CAPN14: variants seen among roughly 807,000 people sequenced by gnomAD.
CAPN14 encodes calpain 14.
A neutral mutation model predicts 101.3 loss-of-function variants in CAPN14; 94 were observed. The ratio of observed to expected loss-of-function variants is 0.93; its 90% CI spans 0.79 to 1.10. The LOEUF (loss-of-function observed/expected upper bound fraction) is 1.10. Among genes scored for constraint, CAPN14 ranks in the 50% least tolerant of loss-of-function variants. The pLI is 0.00. For missense variants in CAPN14, 837 were observed against 828.4 expected (o/e 1.01, Z -0.13); for synonymous variants, 338 against 317.9 (o/e 1.06, Z -0.67).
Position 31,193,226 on chromosome 2 carries a change from AAC to A in CAPN14, c.1017_1018del (p.Leu340GlufsTer86), listed in dbSNP as rs1248468502. 2.6e-6 allele frequency: 4 copies of A among 1,551,624 alleles called. No individual in the cohort carries two copies. The African/African-American group carries it at 5.5e-5, about 21-fold the overall frequency. On this transcript the variant is annotated frameshift_variant, in exon 10 of 22. Coordinates refer to ENST00000403897, the MANE Select transcript of CAPN14 (RefSeq NM_001145122.2). LOFTEE classifies it high-confidence loss of function. ...CCACTTCTGGGCCGCCTCCTGGCTC[AAC>A]AGGCCTGGGGTCAGTTTACAGATAA... is the stretch of plus-strand genomic sequence containing the variant.
intron 8 of CAPN14, 30 bp from the exon 9 acceptor site, chr2:31,194,513 G>C (rs1320045384): frequency 6.8e-6 from 10 of 1,469,828 alleles, no homozygotes; most frequent in Non-Finnish European, 9.3e-6. Flanking sequence ...TGAAAAGCTT[G>C]TGGGGAGCAT....
At chr2:31,212,509 G>A (rs983050788) in intron 1 of CAPN14, among the ~76,000 whole-genome samples, 1 of 152,082 alleles carries the variant, frequency 6.6e-6, no homozygotes, top group African/African-American at 2.4e-5. Context: ...CCAAATCCTG[G>A]CTTTCTTTGG....
upstream of CAPN14, among the ~76,000 whole-genome samples, chr2:31,219,253 G>C (rs776508990): frequency 2.6e-5 from 4 of 152,014 alleles, no homozygotes; most frequent in Non-Finnish European, 4.4e-5. Context: ...GACAACTCTT[G>C]AAAGTTATTG....
chr2:31,232,186 A>C (rs945196006), intron 1 of CAPN14, among the ~76,000 whole-genome samples: 2 of 152,212 alleles, frequency 1.3e-5, no homozygotes, highest in Non-Finnish European at 2.9e-5. Flanking sequence ...TCTGTCTGCT[A>C]AATCAGCTCT....
intron 8 of CAPN14, among the ~76,000 whole-genome samples, chr2:31,195,822 T>C (rs1236454922): frequency 6.6e-6 from 1 of 152,160 alleles, no homozygotes; most frequent in Non-Finnish European, 1.5e-5. Flanking sequence ...AAGTCCAATA[T>C]TCTTTAAAGA....
Position 31,200,510 on chromosome 2 carries a change from C to A in CAPN14, c.667G>T (p.Asp223Tyr). The A allele has an allele frequency of 1.3e-6, 2 of 1,551,424 alleles. No individual in the cohort carries two copies. Reference protein sequence around the residue: ...NLAEAHGNLWDILIEATYNRT... With the variant: ...NLAEAHGNLWYILIEATYNRT... ...TTGTAGGTGGCTTCGATGAGGATGT[C>A]CCAGAGGTTGCCATGGGCTTCTGCC... The change falls in exon 6 of 22, where the codon GAC becomes TAC. Residue 223 changes from aspartate to tyrosine, a missense_variant. Transcript: ENST00000403897.
chr2:31,180,498 G>C (rs1680537405), intron 17 of CAPN14, among the ~76,000 whole-genome samples: 1 of 152,148 alleles, frequency 6.6e-6, no homozygotes. Flanking sequence ...CTGAGCACTG[G>C]TTTCCTGATC....
At chr2:31,204,254 T>C (rs570461472) in intron 2 of CAPN14, among the ~76,000 whole-genome samples, 4 of 152,346 alleles carry the variant, frequency 2.6e-5, no homozygotes, top group South Asian at 2.1e-4. Context: ...TGTGGGAACA[T>C]ACCCATCCCT....
At chr2:31,180,846 T>G (rs1157655145) in intron 17 of CAPN14, 90 bp downstream of exon 17, 5 of 1,096,900 alleles carry the variant, frequency 4.6e-6, no homozygotes, top group Non-Finnish European at 6.7e-6. Flanking sequence ...TTAGCAAGGA[T>G]TGGGGTTGGG....
chr2:31,173,711 T>C lies in CAPN14; in HGVS notation c.*970A>G, dbSNP rs1265977685. On this transcript the variant is annotated 3_prime_UTR_variant, in exon 22 of 22. Transcript: ENST00000403897. ...ATTTGGGATGCTCAACCTGTAGTAA[T>C]AAATGGCTCTGAGGTGCTAACTTAT... 1 of 152,166 alleles carries C rather than the reference T, an allele frequency of 6.6e-6. No homozygotes were observed. The highest frequency in any genetic ancestry group is 1.5e-5 in the Non-Finnish European group (1 of 68,032). 9.4% of individuals were successfully genotyped at this position (152,166 alleles called of 1,614,324 possible). A position where few individuals can be genotyped will look rare whatever the true frequency, so the allele number is the denominator to read the frequency against.
chr2:31,191,252 G>T (rs931085979), intron 12 of CAPN14, 147 bp downstream of exon 12: 2 of 771,620 alleles, frequency 2.6e-6, no homozygotes, highest in African/African-American at 3.6e-5. Flanking sequence ...TATACACACA[G>T]GCAGCGGGCA....
chr2:31,220,140 A>G (rs910794026), upstream of CAPN14, among the ~76,000 whole-genome samples: 8 of 152,116 alleles, frequency 5.3e-5, no homozygotes, highest in Non-Finnish European at 1.0e-4. Context: ...AAAATAGAGA[A>G]CTCCTTTTCC....
intron 1 of CAPN14, among the ~76,000 whole-genome samples, chr2:31,206,032 TTATTTA>T (rs1682065881): frequency 2.5e-5 from 3 of 118,806 alleles, no homozygotes; most frequent in South Asian, 3.2e-4. Flanking sequence ...TTTTTTTTAT[TTATTTA>T]TTTTTTTTTT....
chr2:31,198,383 C>A (rs903224527), intron 7 of CAPN14, among the ~76,000 whole-genome samples: 1 of 152,156 alleles, frequency 6.6e-6, no homozygotes, highest in Admixed American at 6.5e-5. Flanking sequence ...CACATGTAGT[C>A]AGGACCTCCT....
Position 31,203,255 on chromosome 2 carries a change from T to C in CAPN14, c.226-116A>G, listed in dbSNP as rs962216441. The C allele has an allele frequency of 4.0e-5, 30 of 749,388 alleles. 1 individual carries two copies. Among genetic ancestry groups the C allele is most frequent in the Non-Finnish European group, 6.9e-5 (30 of 437,310 alleles). The allele number at this position is 749,388 out of a possible 1,614,324, so 46.4% of individuals were successfully genotyped here. On this transcript the variant is annotated intron_variant, in intron 2 of 21. Coordinates refer to ENST00000403897, the MANE Select transcript of CAPN14 (RefSeq NM_001145122.2). The stretch of plus-strand genomic sequence containing the variant: ...TACTTATGGGGACAAAGATACAGAA[T>C]ATAGGTGTAATCAGTGCTATCCCAG...
rs1425610179 is a variant in CAPN14, at chr2:31,178,543, T to G, written c.1747A>C (p.Arg583=). The G allele has an allele frequency of 6.5e-6, 10 of 1,549,332 alleles. No individual in the cohort carries two copies. In the East Asian group the frequency reaches 2.4e-4, roughly 38 times the overall value. The part of the protein sequence containing the change: ...ASGTMSIQEF[R]DLWKQLKLSQ... ...AGCTTCAGCTGCTTCCACAGGTCCC[T>G]GAATTCCTGGATGCTCATAGTACCT... Residue 583 remains arginine (R), a synonymous_variant, in exon 18 of 22, where the codon AGG becomes CGG. Transcript: ENST00000403897.
intron 8 of CAPN14, among the ~76,000 whole-genome samples, chr2:31,196,526 A>G (rs1369061791): frequency 1.3e-5 from 2 of 152,220 alleles, no homozygotes; most frequent in African/African-American, 4.8e-5. Context: ...TTATCAATAT[A>G]AAAATGATTA....
Position 31,174,655 on chromosome 2 carries a change from G to A in CAPN14, c.*26C>T. ...TCTTGGGCCACATGCAGAGTCTTCA[G>A]TGAGGGCAGGTGAGACTCAGCCTTC... On this transcript the variant is annotated 3_prime_UTR_variant, in exon 22 of 22. Coordinates refer to ENST00000403897, the MANE Select transcript of CAPN14 (RefSeq NM_001145122.2). The A allele has an allele frequency of 6.4e-7, 1 of 1,551,326 alleles. No homozygotes were observed. Among genetic ancestry groups the A allele is most frequent in the Non-Finnish European group, 8.7e-7 (1 of 1,146,796 alleles).
chr2:31,226,116 T>G (rs1463040032), intron 2 of CAPN14, among the ~76,000 whole-genome samples: 3 of 152,196 alleles, frequency 2.0e-5, no homozygotes, highest in African/African-American at 7.2e-5. Context: ...AATTTATCTT[T>G]AAGATTTGAC....
Sources: gnomAD v4.1 joint callset for allele counts (sites outside exome capture counted in the v4.1 genomes callset) on GRCh38, gnomAD v4.1.1 for gene constraint, MANE v1.5 for transcripts, NCBI Gene and HGNC (gene_info 2026-07-23, HGNC 2026-07-21) for gene names.